The following BDKRB2 variants were observed in gnomAD, a reference collection of about 807,000 sequenced individuals.
BDKRB2 encodes the protein B2 bradykinin receptor.
BDKRB2 carries 6 observed loss-of-function variants against 4.0 expected under a neutral mutation model. That is an observed-to-expected ratio of 1.49 (90% confidence interval 0.81 to 2.93). The LOEUF (loss-of-function observed/expected upper bound fraction) is 2.93. BDKRB2 is among the 30% of genes most tolerant of loss of function. The pLI is 0.00. For missense variants in BDKRB2, 478 were observed against 520.1 expected (o/e 0.92, Z 0.79); for synonymous variants, 225 against 215.3 (o/e 1.05, Z -0.40).
At chr14:96,222,965 C>T (rs867300318) in intron 1 of BDKRB2, 9 of 563,124 alleles carry the variant, frequency 1.6e-5, no homozygotes, top group Admixed American at 3.3e-5. Context: ...CATCACCGAC[C>T]GCTCTAGGCT....
chr14:96,205,938 C>A (rs1890169521), intron 1 of BDKRB2, among the ~76,000 whole-genome samples: 1 of 152,154 alleles, frequency 6.6e-6, no homozygotes, highest in Non-Finnish European at 1.5e-5. Context: ...CCGCCTGTGG[C>A]TCCCCAGCCT....
At chr14:96,232,866 C>T (rs1197088936) in intron 1 of BDKRB2, among the ~76,000 whole-genome samples, 1 of 152,196 alleles carries the variant, frequency 6.6e-6, no homozygotes, top group Non-Finnish European at 1.5e-5. Context: ...CACAAGTTGA[C>T]ATCCGAAGGA....
intron 1 of BDKRB2, among the ~76,000 whole-genome samples, chr14:96,222,403 G>A (rs1890594316): frequency 3.9e-5 from 6 of 151,982 alleles, no homozygotes; most frequent in Admixed American, 3.3e-4. Flanking sequence ...AGGATGTGGG[G>A]TGAAAGTTCC....
intron 1 of BDKRB2, 148 bp from the exon 2 acceptor site, chr14:96,236,921 T>A: frequency 1.7e-6 from 1 of 595,744 alleles, no homozygotes. Flanking sequence ...AGCCATTGTA[T>A]CCCTAGCACC....
In BDKRB2 at chr14:96,209,851, C is replaced by T. The variant is rs551039539; in HGVS notation, c.-40+4892C>T. Among the ~76,000 whole-genome samples the T allele has an allele frequency of 8.1e-4, 123 of 152,196 alleles. 1 individual carries two copies. The highest frequency in any genetic ancestry group is 1.4e-3 in the Non-Finnish European group (98 of 68,016). On this transcript the variant is annotated intron_variant, in intron 1 of 2. Transcript: ENST00000554311. The stretch of plus-strand genomic sequence containing the variant: ...TCTCTACTAAAAATACAAAAACTAG[C>T]CAGGCACGGTGGTGCATGCCTGTAG...
At chr14:96,226,246 C>G (rs946889478) in intron 1 of BDKRB2, among the ~76,000 whole-genome samples, 3 of 152,240 alleles carry the variant, frequency 2.0e-5, no homozygotes, top group African/African-American at 7.2e-5. Context: ...TCTCCACCCC[C>G]ACTACCCCTC....
chr14:96,241,592 T>C lies in BDKRB2; in HGVS notation c.*88T>C. On this transcript the variant is annotated 3_prime_UTR_variant, in exon 3 of 3. Transcript: ENST00000554311. ...TGGGCCCAGGAATGCCAAGGAGACA[T>C]CTATGCACGACCTTGGGAAATGAGT... 6 of 1,467,958 alleles carry C rather than the reference T, an allele frequency of 4.1e-6. No individual in the cohort carries two copies. Among genetic ancestry groups the C allele is most frequent in the Non-Finnish European group, 5.4e-6 (6 of 1,116,694 alleles). 90.9% of individuals were successfully genotyped at this position (1,467,958 alleles called of 1,614,324 possible). A position where few individuals can be genotyped will look rare whatever the true frequency, so the allele number is the denominator to read the frequency against.
intron 1 of BDKRB2, among the ~76,000 whole-genome samples, chr14:96,224,750 A>T (rs757989174): frequency 4.6e-5 from 7 of 152,178 alleles, no homozygotes; most frequent in African/African-American, 1.7e-4. Context: ...GATCAGCTCT[A>T]AGGAACATGC....
At chr14:96,229,841 T>A (rs1334901856) in intron 1 of BDKRB2, among the ~76,000 whole-genome samples, 10 of 151,888 alleles carry the variant, frequency 6.6e-5, no homozygotes, top group Admixed American at 2.6e-4. Context: ...AAAATAAAAT[T>A]AAATTAAAAA....
At chr14:96,216,820 G>GA (rs1441151610) in intron 1 of BDKRB2, among the ~76,000 whole-genome samples, 1 of 150,686 alleles carries the variant, frequency 6.6e-6, no homozygotes, top group Non-Finnish European at 1.5e-5. Flanking sequence ...GGAGGAGGAG[G>GA]AGGAGGAGAT....
At chr14:96,229,232 C>A (rs957747533) in intron 1 of BDKRB2, among the ~76,000 whole-genome samples, 3 of 152,056 alleles carry the variant, frequency 2.0e-5, no homozygotes, top group African/African-American at 7.2e-5. Context: ...GTTATAGAAG[C>A]AGGAGGCAGG....
intron 2 of BDKRB2, 35 bp downstream of exon 2, chr14:96,237,216 G>A (rs1800515): frequency 0.093 from 147,170 of 1,578,608 alleles, 7,673 homozygotes; most frequent in Non-Finnish European, 0.11. Context: ...CACTAGTTAG[G>A]GGAGGTGGGC....
At chr14:96,223,579 C>A (rs928747323) in intron 1 of BDKRB2, among the ~76,000 whole-genome samples, 4 of 152,012 alleles carry the variant, frequency 2.6e-5, no homozygotes, top group African/African-American at 9.7e-5. Flanking sequence ...TGAGTGTGAC[C>A]CTAGGAGGCA....
chr14:96,240,332 C>T, intron 2 of BDKRB2, 71 bp from the exon 3 acceptor site: 1 of 1,395,000 alleles, frequency 7.2e-7, no homozygotes. Context: ...ACCCCTGTCT[C>T]CTTCTGGACC....
intron 1 of BDKRB2, among the ~76,000 whole-genome samples, chr14:96,218,632 C>G (rs1595251588): frequency 6.6e-6 from 1 of 152,292 alleles, no homozygotes; most frequent in Middle Eastern, 3.4e-3. Context: ...AAAAACCCAT[C>G]TAGAGCTGGG....
rs543377235 is a variant in BDKRB2 at position 96,234,825 on chromosome 14, G to A, written c.-39-2244G>A. Among the ~76,000 whole-genome samples, 8 of 152,330 alleles carry A rather than the reference G, an allele frequency of 5.3e-5. No homozygotes were observed. In the South Asian group the frequency reaches 1.7e-3, roughly 32 times the overall value. On this transcript the variant is annotated intron_variant, in intron 1 of 2. Transcript: ENST00000554311. ...CAACAGACCCATAATGGAGGCCAGC[G>A]AGGAAACGCTGGACACGTCCCCCAT... is the stretch of plus-strand genomic sequence containing the variant.
chr14:96,206,219 T>A (rs2139761699), intron 1 of BDKRB2, among the ~76,000 whole-genome samples: 1 of 152,044 alleles, frequency 6.6e-6, no homozygotes, highest in Non-Finnish European at 1.5e-5. Flanking sequence ...CTGCTTGGGG[T>A]GAGAGCAGGG....
intron 1 of BDKRB2, among the ~76,000 whole-genome samples, chr14:96,208,630 C>T (rs772703297): frequency 1.1e-4 from 17 of 152,234 alleles, no homozygotes; most frequent in African/African-American, 1.7e-4. Context: ...GGGCCTGGGG[C>T]GGTCACAGAG....
chr14:96,228,594 C>T (rs975716517), intron 1 of BDKRB2, among the ~76,000 whole-genome samples: 2 of 152,208 alleles, frequency 1.3e-5, no homozygotes, highest in African/African-American at 4.8e-5. Context: ...TGCTGCTCTG[C>T]TCCTCTGCCA....
Sources: allele counts gnomAD v4.1 joint callset (sites outside exome capture counted in the v4.1 genomes callset), GRCh38; gene constraint gnomAD v4.1.1; transcripts MANE v1.5; gene names NCBI Gene and HGNC (gene_info 2026-07-23, HGNC 2026-07-21).